Variants in RAB30 observed in about 807,000 individuals in gnomAD.
The protein encoded by RAB30 is ras-related protein Rab-30.
In RAB30, 9 loss-of-function variants were observed where a neutral mutation model predicts 25.1. The ratio of observed to expected loss-of-function variants is 0.36; its 90% CI spans 0.22 to 0.63. The LOEUF is 0.63. RAB30 is among the 20% of genes least tolerant of loss of function. The probability of loss-of-function intolerance (pLI) is 0.69; values close to 1 mark genes in which losing one functional copy is unlikely to be tolerated. For missense variants in RAB30, 140 were observed against 243.5 expected (o/e 0.58, Z 2.83); for synonymous variants, 77 against 86.4 (o/e 0.89, Z 0.60).
chr11:83,050,695 T>G (rs1858338868), intron 1 of RAB30, among the ~76,000 whole-genome samples: 1 of 152,232 alleles, frequency 6.6e-6, no homozygotes, highest in Non-Finnish European at 1.5e-5. Flanking sequence ...CATTTTTGAC[T>G]GGTTGGAAAC....
chr11:83,016,340 G>A (rs1416997690), intron 1 of RAB30, among the ~76,000 whole-genome samples: 1 of 152,082 alleles, frequency 6.6e-6, no homozygotes, highest in Non-Finnish European at 1.5e-5. Context: ...GAGAAACTAG[G>A]AGATAGCTAC....
At chr11:83,057,058 G>T in intron 1 of RAB30, among the ~76,000 whole-genome samples, 1 of 151,176 alleles carries the variant, frequency 6.6e-6, no homozygotes, top group African/African-American at 2.5e-5. Context: ...GGAATCTTGA[G>T]TTATACAGCT....
intron 1 of RAB30, among the ~76,000 whole-genome samples, chr11:83,036,428 A>G (rs964268682): frequency 7.2e-5 from 11 of 152,144 alleles, no homozygotes; most frequent in African/African-American, 1.2e-4. Flanking sequence ...TCGGCCTCCC[A>G]AAGTGCTGGG....
intron 1 of RAB30, among the ~76,000 whole-genome samples, chr11:83,017,814 A>C (rs946721262): frequency 6.6e-6 from 1 of 152,136 alleles, no homozygotes; most frequent in Non-Finnish European, 1.5e-5. Flanking sequence ...TGTTTTTACA[A>C]GTGTGAATTG....
At chr11:83,070,168 G>T (rs1346091510) in intron 1 of RAB30, among the ~76,000 whole-genome samples, 1 of 152,168 alleles carries the variant, frequency 6.6e-6, no homozygotes, top group East Asian at 1.9e-4. Context: ...GTACAGGAGA[G>T]AAGGGTAGGG....
intron 3 of RAB30, among the ~76,000 whole-genome samples, chr11:82,991,909 A>C (rs988889592): frequency 1.3e-5 from 2 of 152,240 alleles, no homozygotes; most frequent in African/African-American, 4.8e-5. Context: ...TTTTAAAATA[A>C]GGTTTGCAGA....
intron 1 of RAB30, among the ~76,000 whole-genome samples, chr11:83,059,266 A>C (rs75584207): frequency 6.6e-6 from 1 of 152,254 alleles, no homozygotes; most frequent in Non-Finnish European, 1.5e-5. Context: ...CTGTGTGCAA[A>C]ATCGAATATA....
chr11:82,983,366 A>T lies in RAB30; in HGVS notation c.362-951T>A, dbSNP rs117178918. 1.7e-3 allele frequency among the ~76,000 whole-genome samples: 263 copies of T among 152,344 alleles called. 1 individual carries two copies. The highest frequency in any genetic ancestry group is 4.1e-3 in the South Asian group (20 of 4,830). On this transcript the variant is annotated intron_variant, in intron 4 of 4. Transcript: ENST00000527633. ...TAAATTTAAAAAGCAATCCCTAAAA[A>T]CTGAGAGCAAAATTAAACAAATGAA...
chr11:83,032,826 C>G (rs1452825414), intron 1 of RAB30, among the ~76,000 whole-genome samples: 1 of 152,104 alleles, frequency 6.6e-6, no homozygotes, highest in Non-Finnish European at 1.5e-5. Context: ...TAATCATGCT[C>G]TCTTGGGAGT....
chr11:83,015,656 T>C (rs1344178880), intron 1 of RAB30, among the ~76,000 whole-genome samples: 3 of 152,302 alleles, frequency 2.0e-5, no homozygotes, highest in South Asian at 4.1e-4. Context: ...TATCAGAGGA[T>C]ATCTATGGAG....
chr11:83,051,012 G>A (rs546468691), intron 1 of RAB30, among the ~76,000 whole-genome samples: 6 of 152,218 alleles, frequency 3.9e-5, no homozygotes, highest in African/African-American at 1.4e-4. Flanking sequence ...TTCTTCCTGG[G>A]CAAACAGGCC....
chr11:83,045,619 C>T (rs1266561432), intron 1 of RAB30, among the ~76,000 whole-genome samples: 3 of 152,182 alleles, frequency 2.0e-5, no homozygotes, highest in Non-Finnish European at 4.4e-5. Flanking sequence ...GACTCTACCA[C>T]TTATTGGCTT....
rs941123964 is a variant in RAB30, at chr11:82,976,991, G to A, written c.*5174C>T. 6.6e-6 allele frequency: 1 copy of A among 152,172 alleles called. No individual in the cohort carries two copies. The highest frequency in any genetic ancestry group is 1.5e-5 in the Non-Finnish European group (1 of 68,022). The allele number at this position is 152,172 out of a possible 1,614,324, so 9.4% of individuals were successfully genotyped here. A position where few individuals can be genotyped will look rare whatever the true frequency, so the allele number is the denominator to read the frequency against. On this transcript the variant is annotated 3_prime_UTR_variant, in exon 5 of 5. Transcript: ENST00000527633. Reference sequence around the variant, plus strand: ...TTGATACTTTTCTAAAATAGATCTTGTGGACTGCTTTATGTCAGTGACCCA... The same window carrying A: ...TTGATACTTTTCTAAAATAGATCTTATGGACTGCTTTATGTCAGTGACCCA...
intron 1 of RAB30, among the ~76,000 whole-genome samples, chr11:83,019,799 G>T (rs530354881): frequency 6.6e-6 from 1 of 152,346 alleles, no homozygotes; most frequent in South Asian, 2.1e-4. Context: ...ACGAGAGGTA[G>T]CTTAATGGAA....
At chr11:83,018,451 A>C (rs1857491176) in intron 1 of RAB30, among the ~76,000 whole-genome samples, 1 of 152,110 alleles carries the variant, frequency 6.6e-6, no homozygotes, top group Admixed American at 6.5e-5. Context: ...ACTGATGTTG[A>C]GCACTTTTTC....
intron 1 of RAB30, among the ~76,000 whole-genome samples, chr11:83,066,077 T>G (rs1184311821): frequency 1.3e-5 from 2 of 152,276 alleles, no homozygotes; most frequent in Admixed American, 1.3e-4. Context: ...AGGAAAAAAC[T>G]AAAAATAAAT....
intron 1 of RAB30, among the ~76,000 whole-genome samples, chr11:83,005,227 T>C (rs1039430009): frequency 3.9e-5 from 6 of 152,224 alleles, no homozygotes; most frequent in African/African-American, 1.4e-4. Flanking sequence ...AGTGACTTAC[T>C]TACTCTGACA....
intron 1 of RAB30, among the ~76,000 whole-genome samples, chr11:83,066,008 T>C (rs890786022): frequency 2.0e-5 from 3 of 152,208 alleles, no homozygotes; most frequent in Admixed American, 6.5e-5. Context: ...AATTAAGAAC[T>C]GCTACGTTAG....
chr11:83,019,267 C>A (rs937531790), intron 1 of RAB30, among the ~76,000 whole-genome samples: 3 of 152,190 alleles, frequency 2.0e-5, no homozygotes, highest in Admixed American at 2.0e-4. Flanking sequence ...CTCAAGTGAT[C>A]CGTCTACCTC....
Sources: allele counts gnomAD v4.1 joint callset (sites outside exome capture counted in the v4.1 genomes callset), GRCh38; gene constraint gnomAD v4.1.1; transcripts MANE v1.5; gene names NCBI Gene and HGNC (gene_info 2026-07-23, HGNC 2026-07-21).